The following DNAAF5 variants were observed in gnomAD, a reference collection of about 807,000 sequenced individuals.
The protein encoded by DNAAF5 is dynein axonemal assembly factor 5, also known as HEAT repeat containing 2.
A neutral mutation model predicts 75.8 loss-of-function variants in DNAAF5; 64 were observed. The ratio of observed to expected loss-of-function variants is 0.84; its 90% CI spans 0.69 to 1.04. The LOEUF (loss-of-function observed/expected upper bound fraction) is 1.04, where lower values mean the gene tolerates loss of function less well. DNAAF5 is among the 50% of genes least tolerant of loss of function. The pLI is 0.00. For missense variants in DNAAF5, 1,269 were observed against 1,178.5 expected (o/e 1.08, Z -1.12); for synonymous variants, 657 against 557.2 (o/e 1.18, Z -2.52).
chr7:750,256 C>T (rs1031783826), intron 4 of DNAAF5, among the ~76,000 whole-genome samples: 5 of 152,202 alleles, frequency 3.3e-5, no homozygotes, highest in African/African-American at 9.6e-5. Context: ...TCGCACAGCC[C>T]AGGCATCGCA....
At chr7:741,103 T>C (rs1781894018) in intron 3 of DNAAF5, among the ~76,000 whole-genome samples, 160 bp downstream of exon 3, 1 of 152,244 alleles carries the variant, frequency 6.6e-6, no homozygotes, top group Non-Finnish European at 1.5e-5. Flanking sequence ...GTTTTGTAAA[T>C]GGCATTTCCC....
At chr7:760,606 C>T (rs183715538) in intron 6 of DNAAF5, among the ~76,000 whole-genome samples, 5 of 152,332 alleles carry the variant, frequency 3.3e-5, no homozygotes, top group South Asian at 2.1e-4. Flanking sequence ...GCCACGATTG[C>T]ACCACTGCAC....
intron 9 of DNAAF5, 98 bp downstream of exon 9, chr7:770,716 ACCT>A: frequency 8.5e-7 from 1 of 1,170,630 alleles, no homozygotes; most frequent in Non-Finnish European, 1.2e-6. Flanking sequence ...GGGGGTTCCC[ACCT>A]CCTTCCCCAA....
chr7:775,203 C>T (rs1181306520), intron 11 of DNAAF5, 41 bp downstream of exon 11: 1 of 1,591,746 alleles, frequency 6.3e-7, no homozygotes, highest in Admixed American at 1.7e-5. Flanking sequence ...TATATGCAGT[C>T]AGCCCTCCGT....
chr7:784,992 C>G (rs112196447), intron 12 of DNAAF5, among the ~76,000 whole-genome samples: 2 of 152,112 alleles, frequency 1.3e-5, no homozygotes, highest in East Asian at 3.9e-4. Context: ...CACGTTGTGA[C>G]TCAGGTCATT....
At chr7:769,280 C>A in intron 8 of DNAAF5, 1 of 704,714 alleles carries the variant, frequency 1.4e-6, no homozygotes. Context: ...CCTCCTTCTG[C>A]GGCCCCAACC....
chr7:763,965 GCA>G lies in DNAAF5; in HGVS notation c.1777_1778del (p.Gln593ValfsTer154), dbSNP rs1782745000. The G allele has an allele frequency of 1.2e-6, 2 of 1,603,520 alleles. No homozygotes were observed. The highest frequency in any genetic ancestry group is 1.7e-6 in the Non-Finnish European group (2 of 1,179,926). ...PELLQFSVIV[A>X]QSGPALGEAL... ...GCTCCTGCAGTTCAGTGTCATCGTC[GCA>G]CAGTCAGGTGAGCCGTCCCGACAGC... On this transcript the variant is annotated frameshift_variant, in exon 8 of 13. Transcript: ENST00000297440. LOFTEE classifies it high-confidence loss of function.
Position 770,589 on chromosome 7 carries a change from C to G in DNAAF5, c.1902C>G (p.Leu634=), listed in dbSNP as rs771189269. The G allele has an allele frequency of 6.8e-6, 11 of 1,613,768 alleles. No individual in the cohort carries two copies. In the Admixed American group the frequency reaches 1.5e-4, roughly 22 times the overall value. ...TCTCCATCCTGTCCACCGTGCTGCT[C>G]AGAGCCACGGACACCATCAACTCCC... The part of the protein sequence containing the change: ...KLFSILSTVL[L]RATDTINSQG... The change falls in exon 9 of 13, where the codon CTC becomes CTG. Residue 634 remains leucine, a synonymous_variant. Coordinates refer to ENST00000297440, the MANE Select transcript of DNAAF5 (RefSeq NM_017802.4).
At chr7:764,766 T>C (rs931823846) in intron 8 of DNAAF5, among the ~76,000 whole-genome samples, 2 of 152,196 alleles carry the variant, frequency 1.3e-5, no homozygotes, top group South Asian at 2.1e-4. Context: ...CAAAACTGTT[T>C]CCAAATTAGA....
At chr7:769,351 G>GT in intron 8 of DNAAF5, 4 of 624,732 alleles carry the variant, frequency 6.4e-6, no homozygotes, top group Non-Finnish European at 1.2e-5. Context: ...AGGAGACGCT[G>GT]CAGGGACTCT....
chr7:773,610 C>T (rs759373850), intron 9 of DNAAF5, among the ~76,000 whole-genome samples: 1 of 152,160 alleles, frequency 6.6e-6, no homozygotes, highest in Non-Finnish European at 1.5e-5. Flanking sequence ...ACAGAGGGTT[C>T]TGTGGCTGGA....
rs757792554 is a variant in DNAAF5, at chr7:774,035, G to T, written c.1932-13G>T. On this transcript the variant is annotated splice_polypyrimidine_tract_variant and intron_variant, in intron 9 of 12. Transcript: ENST00000297440. ...TCCGGTCTCCTCATCCACCCTCTCC[G>T]TTCCGGTTCCAGGCAGTTTCCCAGC... 1 of 1,614,094 alleles carries T rather than the reference G, an allele frequency of 6.2e-7. No individual in the cohort carries two copies. Among genetic ancestry groups the T allele is most frequent in the Admixed American group, 1.7e-5 (1 of 60,024 alleles).
At chr7:748,602 G>A (rs542522151) in intron 4 of DNAAF5, among the ~76,000 whole-genome samples, 1 of 152,126 alleles carries the variant, frequency 6.6e-6, no homozygotes, top group African/African-American at 2.4e-5. Flanking sequence ...GGCAGCTGCC[G>A]CCCCCATCCC....
chr7:782,610 C>T (rs191027333), intron 12 of DNAAF5, among the ~76,000 whole-genome samples: 1 of 147,166 alleles, frequency 6.8e-6, no homozygotes, highest in Non-Finnish European at 1.5e-5. Flanking sequence ...CGTTACGCAG[C>T]GTCAGAAACT....
At chr7:773,971 C>CA (rs764687139) in intron 9 of DNAAF5, 77 bp from the exon 10 acceptor site, 64 of 1,546,894 alleles carry the variant, frequency 4.1e-5, no homozygotes, top group Non-Finnish European at 5.6e-5. Context: ...CCCTCAGCCC[C>CA]ATTCATCCCT....
At chr7:746,000 T>C (rs1010071734) in intron 4 of DNAAF5, among the ~76,000 whole-genome samples, 3 of 152,272 alleles carry the variant, frequency 2.0e-5, no homozygotes, top group Admixed American at 1.3e-4. Context: ...TAGAATTGAA[T>C]GACAGTCAGT....
chr7:736,849 G>T lies in DNAAF5; in HGVS notation c.781-3970G>T, dbSNP rs530542356. Among the ~76,000 whole-genome samples the T allele has an allele frequency of 4.7e-4, 71 of 151,066 alleles. 1 individual carries two copies. The highest frequency in any genetic ancestry group is 3.4e-3 in the Middle Eastern group (1 of 294). ...GGCGGTATGTTTTAATTTCTTTTTT[G>T]TGTGTGTGTGTATCTGTTGTGGCGT... is the stretch of plus-strand genomic sequence containing the variant. On this transcript the variant is annotated intron_variant, in intron 2 of 12. Transcript: ENST00000297440.
At chr7:745,371 C>A (rs538570488) in intron 4 of DNAAF5, among the ~76,000 whole-genome samples, 1 of 152,150 alleles carries the variant, frequency 6.6e-6, no homozygotes, top group Non-Finnish European at 1.5e-5. Flanking sequence ...CTGGAAGGTA[C>A]GATCTATGAT....
chr7:774,211 C>T lies in DNAAF5; in HGVS notation c.2082+13C>T, dbSNP rs1438076321. On this transcript the variant is annotated intron_variant, in intron 10 of 12. Transcript: ENST00000297440. The stretch of plus-strand genomic sequence containing the variant: ...GTCGGCAGAGCAGGTACGGGGCTCC[C>T]TGCGTGCTCGGTGGACACCGGCCGG... The T allele has an allele frequency of 3.1e-6, 5 of 1,596,516 alleles. No homozygotes were observed. The East Asian group carries it at 8.9e-5, about 29-fold the overall frequency.
Sources: allele counts gnomAD v4.1 joint callset (sites outside exome capture counted in the v4.1 genomes callset), GRCh38; gene constraint gnomAD v4.1.1; transcripts MANE v1.5; gene names NCBI Gene and HGNC (gene_info 2026-07-23, HGNC 2026-07-21).